Variants in CEP57 observed in about 807,000 individuals in gnomAD.
The protein encoded by CEP57 is centrosomal protein 57.
CEP57 carries 40 observed loss-of-function variants against 68.0 expected under a neutral mutation model. The ratio of observed to expected loss-of-function variants is 0.59; its 90% confidence interval spans 0.46 to 0.77. The LOEUF is 0.77. Among genes scored for constraint, CEP57 ranks in the 30% least tolerant of loss-of-function variants. The pLI is 0.00. For missense variants in CEP57, 606 were observed against 580.7 expected (o/e 1.04, Z -0.45); for synonymous variants, 219 against 198.7 (o/e 1.10, Z -0.86).
At chr11:95,807,479 T>C (rs1045839075) in intron 2 of CEP57, among the ~76,000 whole-genome samples, 1 of 152,164 alleles carries the variant, frequency 6.6e-6, no homozygotes, top group Non-Finnish European at 1.5e-5. Context: ...GAAAAAAGAT[T>C]AGACGAATGG....
At position 95,827,951 on chromosome 11, in the gene CEP57, C is replaced by A. The variant is rs1227528568; in HGVS notation, c.1051C>A (p.Pro351Thr). The change falls in exon 9 of 11, where the codon CCC becomes ACC. Residue 351 changes from proline (P) to threonine (T), a missense_variant. Pro to Thr is a conservative substitution (Grantham distance 38). Coordinates refer to ENST00000325542, the MANE Select transcript of CEP57 (RefSeq NM_014679.5). Reference protein sequence around the residue: ...GKSKKLSVTPPSSNGINEELS... With the variant: ...GKSKKLSVTPTSSNGINEELS... ...AAGTAAGAAGTTGTCAGTAACACCT[C>A]CCTCCTCCAACGGTATTAATGAGGA... 3.1e-6 allele frequency: 5 copies of A among 1,613,914 alleles called. No individual in the cohort carries two copies. Among genetic ancestry groups the A allele is most frequent in the Admixed American group, 1.7e-5 (1 of 60,002 alleles).
At chr11:95,814,023 A>AT (rs1862189930) in intron 4 of CEP57, among the ~76,000 whole-genome samples, 1 of 152,122 alleles carries the variant, frequency 6.6e-6, no homozygotes, top group Non-Finnish European at 1.5e-5. Context: ...TTGTGAGAAG[A>AT]TATCTCAACA....
intron 1 of CEP57, among the ~76,000 whole-genome samples, chr11:95,792,177 T>G (rs1385742633): frequency 6.6e-6 from 1 of 152,102 alleles, no homozygotes; most frequent in Non-Finnish European, 1.5e-5. Context: ...TTTAAGGTTA[T>G]TCAGGATTAG....
At chr11:95,814,403 C>A (rs3016210) in intron 4 of CEP57, among the ~76,000 whole-genome samples, 1 of 143,282 alleles carries the variant, frequency 7.0e-6, no homozygotes, top group Non-Finnish European at 1.5e-5. Flanking sequence ...TTTTATTGCC[C>A]AGGCTGGAGA....
intron 2 of CEP57, among the ~76,000 whole-genome samples, chr11:95,808,575 C>G (rs1204777656): frequency 6.6e-6 from 1 of 152,012 alleles, no homozygotes; most frequent in African/African-American, 2.4e-5. Flanking sequence ...CAATCCTAGT[C>G]TCTGATAAAA....
intron 8 of CEP57, 151 bp from the exon 9 acceptor site, chr11:95,827,635 C>T (rs1240870767): frequency 1.0e-5 from 9 of 872,556 alleles, no homozygotes; most frequent in Non-Finnish European, 1.6e-5. Flanking sequence ...CAAAGGATTT[C>T]AAATAGAAGA....
chr11:95,831,016 T>C lies in CEP57; in HGVS notation c.1273-10T>C. The C allele has an allele frequency of 6.3e-7, 1 of 1,590,844 alleles. No homozygotes were observed. Among genetic ancestry groups the C allele is most frequent in the Non-Finnish European group, 8.6e-7 (1 of 1,159,120 alleles). On this transcript the variant is annotated splice_polypyrimidine_tract_variant and intron_variant, in intron 10 of 10. Transcript: ENST00000325542. ...CTCCTTTTCCTTCCTGCCTTGGTTA[T>C]TTGGTATAGCTGGAGAAACAGAAGT...
chr11:95,828,352 G>T (rs886327719), intron 9 of CEP57, among the ~76,000 whole-genome samples: 1 of 152,138 alleles, frequency 6.6e-6, no homozygotes, highest in African/African-American at 2.4e-5. Flanking sequence ...TCTTTTCCTT[G>T]TGCTAACATA....
At chr11:95,795,922 A>G (rs1427856664) in intron 1 of CEP57, among the ~76,000 whole-genome samples, 1 of 152,176 alleles carries the variant, frequency 6.6e-6, no homozygotes, top group Non-Finnish European at 1.5e-5. Context: ...ATCCATTTCT[A>G]GCTTGCCTAT....
intron 2 of CEP57, among the ~76,000 whole-genome samples, chr11:95,800,333 A>G (rs1591049767): frequency 6.6e-6 from 1 of 150,402 alleles, no homozygotes; most frequent in African/African-American, 2.5e-5. Flanking sequence ...TCCTTCCTTC[A>G]TGTTTCCCTT....
intron 4 of CEP57, chr11:95,815,375 T>C (rs1862257624): frequency 6.6e-6 from 1 of 152,244 alleles, no homozygotes; most frequent in Admixed American, 6.5e-5. Flanking sequence ...GTACTGTTAC[T>C]CTGTGGTTTT....
chr11:95,792,938 T>C lies in CEP57; in HGVS notation c.45+2195T>C, dbSNP rs191731324. Among the ~76,000 whole-genome samples the C allele has an allele frequency of 1.7e-3, 254 of 152,000 alleles. 1 individual carries two copies. The highest frequency in any genetic ancestry group is 5.9e-3 in the African/African-American group (245 of 41,460). On this transcript the variant is annotated intron_variant, in intron 1 of 10. Transcript: ENST00000325542. ...GGCAACATTTAAAAAAAAAAAAACTTGTTAAAACTATACCATGAACTGAGA... is the reference window on the plus strand; with the variant it reads ...GGCAACATTTAAAAAAAAAAAAACTCGTTAAAACTATACCATGAACTGAGA...
intron 5 of CEP57, among the ~76,000 whole-genome samples, chr11:95,818,572 C>T (rs1862398903): frequency 1.3e-5 from 2 of 152,152 alleles, no homozygotes; most frequent in Non-Finnish European, 2.9e-5. Flanking sequence ...TCCCTCTTTA[C>T]ATTCATGCAG....
intron 5 of CEP57, 114 bp from the exon 6 acceptor site, chr11:95,818,713 T>C (rs1460526457): frequency 2.5e-6 from 2 of 794,862 alleles, no homozygotes; most frequent in East Asian, 2.6e-5. Flanking sequence ...TACAGTGATC[T>C]AACCACCTTA....
intron 9 of CEP57, among the ~76,000 whole-genome samples, chr11:95,828,580 A>C (rs928024512): frequency 6.6e-6 from 1 of 152,216 alleles, no homozygotes; most frequent in African/African-American, 2.4e-5. Flanking sequence ...CTGACATCAC[A>C]TTCATTTTAG....
intron 1 of CEP57, among the ~76,000 whole-genome samples, chr11:95,791,163 C>T (rs932373505): frequency 2.0e-5 from 3 of 152,104 alleles, no homozygotes; most frequent in African/African-American, 7.2e-5. Context: ...AATAGTAGTC[C>T]GCCGTCTCTC....
intron 2 of CEP57, among the ~76,000 whole-genome samples, chr11:95,812,565 C>T (rs1247552976): frequency 6.6e-6 from 1 of 151,942 alleles, no homozygotes; most frequent in African/African-American, 2.4e-5. Flanking sequence ...GCCTCAGCCT[C>T]CCGAGTAGCT....
At chr11:95,824,907 C>G (rs2135363314) in intron 8 of CEP57, among the ~76,000 whole-genome samples, 1 of 152,274 alleles carries the variant, frequency 6.6e-6, no homozygotes, top group Non-Finnish European at 1.5e-5. Context: ...TTTTTCTAAA[C>G]TGGATTTAGA....
intron 2 of CEP57, among the ~76,000 whole-genome samples, chr11:95,800,095 A>G (rs1277066312): frequency 1.3e-5 from 2 of 152,178 alleles, no homozygotes; most frequent in Non-Finnish European, 2.9e-5. Flanking sequence ...AGTTTTCTGT[A>G]GGTCGGAAAT....
Sources: allele counts gnomAD v4.1 joint callset (sites outside exome capture counted in the v4.1 genomes callset), GRCh38; gene constraint gnomAD v4.1.1; transcripts MANE v1.5; gene names NCBI Gene and HGNC (gene_info 2026-07-23, HGNC 2026-07-21).